Variants in RPS6KA2 observed in about 807,000 individuals in gnomAD.
The protein encoded by RPS6KA2 is ribosomal protein S6 kinase A2, also known as ribosomal protein S6 kinase alpha-2.
In RPS6KA2, 42 loss-of-function variants were observed where a neutral mutation model predicts 91.8. The ratio of observed to expected loss-of-function variants is 0.46; its 90% CI spans 0.36 to 0.59. The LOEUF is 0.59. RPS6KA2 is among the 20% of genes least tolerant of loss of function. The pLI, the probability that RPS6KA2 is intolerant of heterozygous loss-of-function variation, is 0.00. For synonymous variants in RPS6KA2, 414 were observed against 393.6 expected (o/e 1.05, Z -0.61); for missense variants, 798 against 978.5 (o/e 0.82, Z 2.46).
intron 14 of RPS6KA2, among the ~76,000 whole-genome samples, chr6:166,441,023 C>A (rs1779503878): frequency 1.3e-5 from 2 of 152,184 alleles, no homozygotes; most frequent in Non-Finnish European, 2.9e-5. Context: ...GACAGAGCAT[C>A]TATTCTGGCA....
At chr6:166,530,170 A>G (rs1396310340) in intron 3 of RPS6KA2, among the ~76,000 whole-genome samples, 1 of 152,208 alleles carries the variant, frequency 6.6e-6, no homozygotes, top group Non-Finnish European at 1.5e-5. Flanking sequence ...CAAGACCTAA[A>G]AATTCAAGTG....
intron 2 of RPS6KA2, chr6:166,701,845 T>A (rs1789530252): frequency 2.2e-6 from 2 of 891,666 alleles, no homozygotes; most frequent in East Asian, 5.1e-5. Flanking sequence ...TGCCTTTAGC[T>A]GTAATGGTGT....
chr6:166,528,306 C>T (rs906985727), intron 3 of RPS6KA2, among the ~76,000 whole-genome samples: 1 of 152,072 alleles, frequency 6.6e-6, no homozygotes, highest in African/African-American at 2.4e-5. Context: ...CTGACAAAAA[C>T]AAGAAATGGG....
At chr6:166,681,419 T>C (rs1158541417) in intron 2 of RPS6KA2, among the ~76,000 whole-genome samples, 2 of 152,172 alleles carry the variant, frequency 1.3e-5, no homozygotes, top group African/African-American at 4.8e-5. Context: ...TCTTCTAGAT[T>C]CCGTCTTGAC....
intron 2 of RPS6KA2, among the ~76,000 whole-genome samples, chr6:166,844,403 T>C (rs965247006): frequency 6.6e-6 from 1 of 152,116 alleles, no homozygotes; most frequent in Admixed American, 6.5e-5. Context: ...GACATTCAAA[T>C]ACAAGAAGCT....
intron 2 of RPS6KA2, among the ~76,000 whole-genome samples, chr6:166,660,300 T>C (rs1788123584): frequency 6.7e-6 from 1 of 150,278 alleles, no homozygotes. Context: ...CTGTATCTCA[T>C]TGTGTGTGTG....
chr6:166,423,334 G>C lies in RPS6KA2; in HGVS notation c.1665C>G (p.Phe555Leu). The C allele has an allele frequency of 6.2e-7, 1 of 1,614,152 alleles. No homozygotes were observed. Among genetic ancestry groups the C allele is most frequent in the South Asian group, 1.1e-5 (1 of 91,088 alleles). Reference sequence around the variant, plus strand: ...CCGCGCGCAGCTGCTTGGCAAAGCCGAAGTCGCAGACTCGGATGGATTCTG... The same window carrying C: ...CCGCGCGCAGCTGCTTGGCAAAGCCCAAGTCGCAGACTCGGATGGATTCTG... The part of the protein sequence containing the change: ...GSPESIRVCD[F>L]GFAKQLRAGN... Residue 555 changes from phenylalanine to leucine, a missense_variant, in exon 17 of 21, where the codon TTC becomes TTG. Phe to Leu is a conservative substitution (Grantham distance 22, BLOSUM62 0). Transcript: ENST00000265678. The surrounding 1 kb of genome is among the most constrained non-coding windows in gnomAD (Gnocchi z 4.8).
intron 2 of RPS6KA2, among the ~76,000 whole-genome samples, chr6:166,673,233 G>A (rs893559433): frequency 3.3e-5 from 5 of 152,208 alleles, no homozygotes; most frequent in African/African-American, 1.2e-4. Flanking sequence ...CACAGACCCA[G>A]GAAGGCCTCC....
At chr6:166,416,204 T>TCGCC (rs200881179) in intron 19 of RPS6KA2, among the ~76,000 whole-genome samples, 2 of 18,778 alleles carry the variant, frequency 1.1e-4, no homozygotes, top group East Asian at 1.5e-3. Flanking sequence ...CCATCAACCC[T>TCGCC]ACCATCACCC....
At position 166,498,598 on chromosome 6, in the gene RPS6KA2, G is replaced by A. The variant is rs750104463; in HGVS notation, c.657C>T (p.Phe219=). Residue 219 remains phenylalanine (F), a synonymous_variant, in exon 8 of 21, where the codon TTC becomes TTT. Coordinates refer to ENST00000265678, the MANE Select transcript of RPS6KA2 (RefSeq NM_021135.6). ...GCGCCATGTACTCGATCGTCCCGCA[G>A]AAGGAGTACGCTCTCTTGTCGTGGT... ...AIDHDKRAYS[F]CGTIEYMAPE... is the part of the protein sequence containing the mutation. 3 of 1,613,824 alleles carry A rather than the reference G, an allele frequency of 1.9e-6. No individual in the cohort carries two copies. In the African/African-American group the frequency reaches 4.0e-5, roughly 22 times the overall value.
rs573904401 is a variant in RPS6KA2 at position 166,523,038 on chromosome 6, G to T, written c.298+8194C>A. ...ACTCTTAACTACTTACACTGCAGAG[G>T]TATTAAAGATGACAAGTAATGAAAA... On this transcript the variant is annotated intron_variant, in intron 3 of 20. Transcript: ENST00000265678. Among the ~76,000 whole-genome samples the T allele has an allele frequency of 2.6e-3, 389 of 152,146 alleles. 1 individual carries two copies. Among genetic ancestry groups the T allele is most frequent in the African/African-American group, 9.0e-3 (375 of 41,498 alleles).
intron 14 of RPS6KA2, among the ~76,000 whole-genome samples, chr6:166,441,654 G>A (rs1426630985): frequency 1.3e-5 from 2 of 152,218 alleles, no homozygotes; most frequent in South Asian, 2.1e-4. Flanking sequence ...CTCCGGCCCC[G>A]TGCGGCTCAC....
At chr6:166,814,486 G>A (rs1019796334) in intron 2 of RPS6KA2, among the ~76,000 whole-genome samples, 2 of 152,212 alleles carry the variant, frequency 1.3e-5, no homozygotes, top group African/African-American at 4.8e-5. Context: ...GTTAGGAACC[G>A]GGCCACACAG....
At chr6:166,615,816 G>A (rs960101321) in intron 1 of RPS6KA2, among the ~76,000 whole-genome samples, 2 of 152,252 alleles carry the variant, frequency 1.3e-5, no homozygotes, top group African/African-American at 4.8e-5. Context: ...GCTGCCTGTG[G>A]GGTCTAGACA....
At chr6:166,572,819 G>C (rs913217047) in intron 1 of RPS6KA2, among the ~76,000 whole-genome samples, 6 of 152,256 alleles carry the variant, frequency 3.9e-5, no homozygotes, top group African/African-American at 1.4e-4. Flanking sequence ...CTCATGCAGG[G>C]TGTGAGACAG....
At chr6:166,804,278 GGCATTATATAGA>G (rs1403683183) in intron 2 of RPS6KA2, among the ~76,000 whole-genome samples, 1 of 151,730 alleles carries the variant, frequency 6.6e-6, no homozygotes, top group Non-Finnish European at 1.5e-5. Context: ...GAGAGGTGTA[GGCATTATATAGA>G]GCATTATATA....
intron 11 of RPS6KA2, among the ~76,000 whole-genome samples, chr6:166,466,339 T>C (rs1780520129): frequency 6.6e-6 from 1 of 152,242 alleles, no homozygotes; most frequent in African/African-American, 2.4e-5. Flanking sequence ...TAATGTGTCA[T>C]AGTTTTCCAA....
At chr6:166,803,430 GA>G (rs1274275793) in intron 2 of RPS6KA2, among the ~76,000 whole-genome samples, 1 of 152,218 alleles carries the variant, frequency 6.6e-6, no homozygotes, top group African/African-American at 2.4e-5. Context: ...GCACAGGCTG[GA>G]ATACAGTTGT....
Position 166,612,261 on chromosome 6 carries a change from GGTGTGT to G in RPS6KA2, c.99+14654_99+14659del, listed in dbSNP as rs1396067872. Among the ~76,000 whole-genome samples the G allele has an allele frequency of 6.6e-6, 1 of 152,118 alleles. No individual in the cohort carries two copies. Among genetic ancestry groups the G allele is most frequent in the Non-Finnish European group, 1.5e-5 (1 of 68,010 alleles). ...TCAGGGGAGTCAAGCCCCTTGACGA[GGTGTGT>G]GATGTGGGCAGGTGTGATGGAAGAA... On this transcript the variant is annotated intron_variant, in intron 1 of 20. Transcript: ENST00000265678. The surrounding 1 kb of genome is among the most constrained non-coding windows in gnomAD (Gnocchi z 4.3).
Sources: allele counts gnomAD v4.1 joint callset (sites outside exome capture counted in the v4.1 genomes callset), GRCh38; gene constraint gnomAD v4.1.1; non-coding constraint Gnocchi (gnomAD v3.1); transcripts MANE v1.5; gene names NCBI Gene and HGNC (gene_info 2026-07-23, HGNC 2026-07-21).